SYNPO2: variants seen among roughly 807,000 people sequenced by gnomAD.
SYNPO2 encodes the protein synaptopodin-2.
In SYNPO2, 56 loss-of-function variants were observed where a neutral mutation model predicts 85.0. The ratio of observed to expected loss-of-function variants is 0.66; its 90% CI spans 0.53 to 0.82. The LOEUF (loss-of-function observed/expected upper bound fraction) is 0.82, where lower values mean the gene tolerates loss of function less well. Ranked by LOEUF, SYNPO2 falls within the 40% of genes least tolerant of loss-of-function variation. SYNPO2 has a pLI of 0.00. For synonymous variants in SYNPO2, 602 were observed against 591.1 expected (o/e 1.02, Z -0.27); for missense variants, 1,575 against 1,534.2 (o/e 1.03, Z -0.44).
chr4:118,876,723 T>G lies in SYNPO2; in HGVS notation c.12+25783T>G, dbSNP rs7438132. Among the ~76,000 whole-genome samples the G allele has an allele frequency of 8.6e-4, 91 of 105,574 alleles. 1 individual carries two copies. The highest frequency in any genetic ancestry group is 3.0e-3 in the African/African-American group (84 of 28,196). The allele number at this position is 105,574 out of a possible 152,430, so 69.3% of individuals were successfully genotyped here. ...TTTCTTTCTTTCTTTCTTTCTTTCT[T>G]TCTTTCTTTCTTTCTGCCTTTCTCT... is the stretch of plus-strand genomic sequence containing the variant. On this transcript the variant is annotated intron_variant, in intron 1 of 4. Transcript: ENST00000610556.
chr4:118,979,838 G>A (rs1003294679), intron 1 of SYNPO2, among the ~76,000 whole-genome samples: 1 of 152,182 alleles, frequency 6.6e-6, no homozygotes, highest in Non-Finnish European at 1.5e-5. Context: ...AACACTAGGA[G>A]GTCAGGAAGT....
At position 119,030,577 on chromosome 4, in the gene SYNPO2, C is replaced by T; in HGVS notation, c.1802C>T (p.Thr601Ile). 1 of 1,614,124 alleles carries T rather than the reference C, an allele frequency of 6.2e-7. No homozygotes were observed. Among genetic ancestry groups the T allele is most frequent in the Non-Finnish European group, 8.5e-7 (1 of 1,180,016 alleles). The change falls in exon 4 of 5, where the codon ACC becomes ATC. Residue 601 changes from threonine to isoleucine, a missense_variant. This residue lies in a region of SYNPO2 where 1,508 missense variants were observed against 1,446.8 expected (regional missense o/e 1.04). Coordinates refer to ENST00000307142, the MANE Select transcript of SYNPO2 (RefSeq NM_133477.3). ...PFPGSVNQPA[T>I]PFSPTRNMTS... ...CCAGGGTCTGTGAATCAGCCAGCTACCCCCTTCTCGCCAACCCGAAACATG... is the reference window on the plus strand; with the variant it reads ...CCAGGGTCTGTGAATCAGCCAGCTATCCCCTTCTCGCCAACCCGAAACATG...
intron 4 of SYNPO2, chr4:119,033,728 C>T: frequency 1.0e-6 from 1 of 985,140 alleles, no homozygotes; most frequent in Non-Finnish European, 1.2e-6. Context: ...TTACTGTCTC[C>T]TTTATCTGTT....
At chr4:118,880,264 T>A (rs1238476303) in intron 1 of SYNPO2, among the ~76,000 whole-genome samples, 1 of 152,212 alleles carries the variant, frequency 6.6e-6, no homozygotes, top group Non-Finnish European at 1.5e-5. Context: ...AAGAAACTAA[T>A]AAGCAGTTAG....
At chr4:118,989,552 G>A (rs549029341) in intron 1 of SYNPO2, among the ~76,000 whole-genome samples, 10 of 152,334 alleles carry the variant, frequency 6.6e-5, no homozygotes, top group East Asian at 5.8e-4. Flanking sequence ...TCACGGACTC[G>A]TTTTATTGAC....
intron 1 of SYNPO2, among the ~76,000 whole-genome samples, chr4:118,874,810 A>G (rs1190786833): frequency 6.6e-6 from 1 of 152,238 alleles, no homozygotes; most frequent in Non-Finnish European, 1.5e-5. Flanking sequence ...AAAATACCAC[A>G]AACACACAAT....
chr4:118,938,835 T>C (rs1734202326), intron 1 of SYNPO2, among the ~76,000 whole-genome samples: 1 of 152,248 alleles, frequency 6.6e-6, no homozygotes, highest in Non-Finnish European at 1.5e-5. Flanking sequence ...GCTGAGCATA[T>C]TTCATACACA....
chr4:118,962,224 T>C (rs1307554741), intron 1 of SYNPO2, among the ~76,000 whole-genome samples: 1 of 152,088 alleles, frequency 6.6e-6, no homozygotes, highest in African/African-American at 2.4e-5. Flanking sequence ...GAAAAATGAT[T>C]AGAAAAGTAA....
chr4:118,852,106 T>C (rs1731429677), intron 1 of SYNPO2, among the ~76,000 whole-genome samples: 1 of 152,172 alleles, frequency 6.6e-6, no homozygotes, highest in African/African-American at 2.4e-5. Flanking sequence ...AAATATTGAT[T>C]TGCCGTATAA....
chr4:118,953,850 A>G (rs1386743639), intron 1 of SYNPO2, among the ~76,000 whole-genome samples: 2 of 152,114 alleles, frequency 1.3e-5, no homozygotes, highest in African/African-American at 4.8e-5. Flanking sequence ...ATCTCTCTTG[A>G]TTCTCTCCAG....
rs1230884421 is a variant in SYNPO2 at position 119,032,020 on chromosome 4, C to T, written c.3245C>T (p.Thr1082Ile). Reference sequence around the variant, plus strand: ...TTCTCAGCCAAGAAAAGTGGTGTCACAATTCAGGTGTGGAAACCATCTGTT... The same window carrying T: ...TTCTCAGCCAAGAAAAGTGGTGTCATAATTCAGGTGTGGAAACCATCTGTT... ...PKFSAKKSGV[T>I]IQESGRSLSL... Residue 1082 changes from threonine (T) to isoleucine (I), a missense_variant, in exon 4 of 5, where the codon ACA (threonine) becomes ATA (isoleucine). Thr to Ile is a moderately conservative substitution (Grantham distance 89). Coordinates refer to ENST00000307142, the MANE Select transcript of SYNPO2 (RefSeq NM_133477.3). The T allele has an allele frequency of 1.1e-5, 18 of 1,614,062 alleles. No individual in the cohort carries two copies. Among genetic ancestry groups the T allele is most frequent in the Non-Finnish European group, 1.5e-5 (18 of 1,179,974 alleles).
At chr4:118,924,284 C>G (rs1217770565) in intron 1 of SYNPO2, among the ~76,000 whole-genome samples, 3 of 152,124 alleles carry the variant, frequency 2.0e-5, no homozygotes, top group African/African-American at 7.2e-5. Flanking sequence ...ACGTGGGAAT[C>G]TACAATTGGC....
intron 1 of SYNPO2, among the ~76,000 whole-genome samples, chr4:118,916,438 G>T (rs1298538259): frequency 3.9e-5 from 6 of 151,978 alleles, no homozygotes; most frequent in Non-Finnish European, 8.8e-5. Context: ...CTCCCAAAAT[G>T]CTGGGACTAC....
chr4:118,948,091 G>A (rs1368583392), intron 1 of SYNPO2, among the ~76,000 whole-genome samples: 1 of 152,112 alleles, frequency 6.6e-6, no homozygotes, highest in Non-Finnish European at 1.5e-5. Flanking sequence ...TCCCTCTCTA[G>A]AATTTTTGTA....
At chr4:118,915,050 T>C (rs1301975846) in intron 1 of SYNPO2, among the ~76,000 whole-genome samples, 1 of 151,610 alleles carries the variant, frequency 6.6e-6, no homozygotes, top group Non-Finnish European at 1.5e-5. Context: ...AAGGTCACTG[T>C]CTGAAAGCCT....
At chr4:119,025,182 A>G (rs568591380) in intron 2 of SYNPO2, among the ~76,000 whole-genome samples, 13 of 152,320 alleles carry the variant, frequency 8.5e-5, no homozygotes, top group Middle Eastern at 3.4e-3. Flanking sequence ...CAAGGCTGGC[A>G]TGAATTGAAA....
intron 1 of SYNPO2, among the ~76,000 whole-genome samples, chr4:118,937,289 C>T (rs994288734): frequency 1.3e-5 from 2 of 152,146 alleles, no homozygotes; most frequent in Non-Finnish European, 2.9e-5. Context: ...ATTTCCATTA[C>T]TAGAACAAAC....
At chr4:118,978,792 G>GACAC (rs5861400) in intron 1 of SYNPO2, among the ~76,000 whole-genome samples, 222 of 148,428 alleles carry the variant, frequency 1.5e-3, no homozygotes, top group East Asian at 2.2e-3. Flanking sequence ...CTCCTGCCAT[G>GACAC]ACACACACAC....
chr4:118,890,698 T>TCTCTCTCTCTCTCTCTCTCTCTCC (rs1732338108), intron 1 of SYNPO2, among the ~76,000 whole-genome samples: 1 of 14,406 alleles, frequency 6.9e-5, no homozygotes. Context: ...CTCATCGGTT[T>TCTCTCTCTCTCTCTCTCTCTCTCC]CTCTCTCTCT....
Sources: gnomAD v4.1 joint callset for allele counts (sites outside exome capture counted in the v4.1 genomes callset) on GRCh38, gnomAD v4.1.1 for gene constraint, gnomAD v4.1.1 regional missense constraint, MANE v1.5 for transcripts, NCBI Gene and HGNC (gene_info 2026-07-23, HGNC 2026-07-21) for gene names.